Variants in CDC42BPG observed in about 807,000 individuals in gnomAD.
The protein encoded by CDC42BPG is CDC42 binding protein kinase gamma, also known as serine/threonine-protein kinase MRCK gamma.
In CDC42BPG, 157 loss-of-function variants were observed where a neutral mutation model predicts 192.2. That is an observed-to-expected ratio of 0.82 (90% confidence interval 0.72 to 0.93). CDC42BPG has a LOEUF of 0.93. Among genes scored for constraint, CDC42BPG ranks in the 40% least tolerant of loss-of-function variants. The probability of loss-of-function intolerance (pLI) is 0.00; values close to 1 mark genes in which losing one functional copy is unlikely to be tolerated. For synonymous variants in CDC42BPG, 981 were observed against 918.5 expected (o/e 1.07, Z -1.23); for missense variants, 1,992 against 2,122.1 (o/e 0.94, Z 1.20).
rs1241623170 is a variant in CDC42BPG at position 64,835,799 on chromosome 11, T to C, written c.1721A>G (p.Gln574Arg). ...LSRQVTQLQG[Q>R]WEQRLEESSQ... ...CGACTCCTCAAGGCGTTGCTCCCACTGTCCCTGCAGCTGCGTCACCTGCCG... is the reference window on the plus strand; with the variant it reads ...CGACTCCTCAAGGCGTTGCTCCCACCGTCCCTGCAGCTGCGTCACCTGCCG... The change falls in exon 14 of 37, where the codon CAG becomes CGG. Residue 574 changes from glutamine to arginine, a missense_variant. Physicochemically the swap from Gln to Arg is conservative, Grantham distance 43. This residue lies in a region of CDC42BPG where 1,656 missense variants were observed against 1,844.3 expected (regional missense o/e 0.90). Transcript: ENST00000342711. 1.9e-6 allele frequency: 3 copies of C among 1,613,226 alleles called. No homozygotes were observed. The highest frequency in any genetic ancestry group is 2.5e-6 in the Non-Finnish European group (3 of 1,179,956).
intron 3 of CDC42BPG, 39 bp from the exon 4 acceptor site, chr11:64,840,687 C>T (rs1469873513): frequency 6.3e-7 from 1 of 1,590,052 alleles, no homozygotes; most frequent in Non-Finnish European, 8.6e-7. Context: ...GGGGTGGGAT[C>T]AGAGCCCAGG....
At position 64,833,287 on chromosome 11, in the gene CDC42BPG, C is replaced by T. The variant is rs1362373270; in HGVS notation, c.2675G>A (p.Cys892Tyr). The stretch of plus-strand genomic sequence containing the variant: ...CAGCATCAGCGAGGTGCAGCGGAGA[C>T]ACTTGGTCGGGGATGGGAAGCTCCG... The part of the protein sequence containing the change: ...RPRSFPSPTK[C>Y]LRCTSLMLGL... Residue 892 changes from cysteine (C) to tyrosine (Y), a missense_variant, in exon 24 of 37, where the codon TGT (cysteine) becomes TAT (tyrosine). Coordinates refer to ENST00000342711, the MANE Select transcript of CDC42BPG (RefSeq NM_017525.3). The T allele has an allele frequency of 6.5e-7, 1 of 1,546,458 alleles. No homozygotes were observed.
chr11:64,840,810 G>A (rs71541906), intron 3 of CDC42BPG, among the ~76,000 whole-genome samples, 162 bp from the exon 4 acceptor site: 18,344 of 152,204 alleles, frequency 0.12, 1,380 homozygotes, highest in South Asian at 0.18. Context: ...CCAAGCCCAC[G>A]CTCTACAGCT....
intron 11 of CDC42BPG, 23 bp downstream of exon 11, chr11:64,836,716 G>GGGA: frequency 1.2e-6 from 1 of 869,300 alleles, no homozygotes; most frequent in Non-Finnish European, 1.7e-6. Flanking sequence ...TGGGGGGGGG[G>GGGA]GGGGGGTGGG....
At chr11:64,844,389 C>T in intron 1 of CDC42BPG, 21 bp downstream of exon 1, 3 of 1,385,018 alleles carry the variant, frequency 2.2e-6, no homozygotes, top group Non-Finnish European at 1.9e-6. Flanking sequence ...CGCCCCCGCT[C>T]CGTGCCGCCC....
rs764400115 is a variant in CDC42BPG, at chr11:64,835,421, T to C, written c.1881-2A>G. On this transcript the variant is annotated splice_acceptor_variant, in intron 15 of 36. Transcript: ENST00000342711. LOFTEE classifies it high-confidence loss of function. The stretch of plus-strand genomic sequence containing the variant: ...AGAGCCTCCTCCTTACCACTCGGCC[T>C]GGGGAGGAGAAGGCCAAGGCCGTGA... 2 of 1,613,540 alleles carry C rather than the reference T, an allele frequency of 1.2e-6. No individual in the cohort carries two copies. The highest frequency in any genetic ancestry group is 4.5e-5 in the East Asian group (2 of 44,864).
At chr11:64,830,308 G>A (rs757002577) in intron 28 of CDC42BPG, 52 bp from the exon 29 acceptor site, 11 of 1,461,608 alleles carry the variant, frequency 7.5e-6, no homozygotes, top group Middle Eastern at 1.7e-4. Context: ...TCAATGACAC[G>A]GAGATTGGGC....
At chr11:64,825,424 G>A (rs549861428) in intron 36 of CDC42BPG, among the ~76,000 whole-genome samples, 92 of 152,264 alleles carry the variant, frequency 6.0e-4, no homozygotes, top group Admixed American at 1.0e-3. Context: ...GCCCCAGGGA[G>A]GCAATGACTA....
At position 64,835,495 on chromosome 11, in the gene CDC42BPG, C is replaced by T. The variant is rs763394763; in HGVS notation, c.1880+5G>A. The T allele has an allele frequency of 6.2e-6, 10 of 1,604,568 alleles. No individual in the cohort carries two copies. In the South Asian group the frequency reaches 8.8e-5, roughly 14 times the overall value. ...CCCCTCCCTGCCACCAGCTGCCTGG[C>T]TCACCTGTGGCTGTGGGCCTGCTCC... On this transcript the variant is annotated splice_donor_5th_base_variant and intron_variant, in intron 15 of 36. Coordinates refer to ENST00000342711, the MANE Select transcript of CDC42BPG (RefSeq NM_017525.3).
At chr11:64,838,561 C>T in intron 8 of CDC42BPG, 93 bp downstream of exon 8, 3 of 1,532,678 alleles carry the variant, frequency 2.0e-6, no homozygotes, top group Non-Finnish European at 2.7e-6. Flanking sequence ...AGGCCTCACC[C>T]CCAGCCCACC....
At chr11:64,825,951 A>G (rs1415458020) in intron 36 of CDC42BPG, among the ~76,000 whole-genome samples, 1 of 151,846 alleles carries the variant, frequency 6.6e-6, no homozygotes, top group Non-Finnish European at 1.5e-5. Context: ...CTGTAATACC[A>G]GCGACTTGGG....
chr11:64,841,298 C>T (rs1259668877), intron 3 of CDC42BPG, among the ~76,000 whole-genome samples: 2 of 150,354 alleles, frequency 1.3e-5, no homozygotes, highest in Admixed American at 6.6e-5. Flanking sequence ...ACTAAAAATA[C>T]AAAAATTAGC....
In CDC42BPG at chr11:64,827,348, G is replaced by A; in HGVS notation, c.4201C>T (p.Leu1401=). ...PDLTDNSRRQ[L]FRTKSKRRFF... ...CGGCGCTTGCTCTTGGTGCGGAACA[G>A]CTGGCGCCGGCTGTTGTCGGTGAGG... Residue 1401 remains leucine, a synonymous_variant, in exon 33 of 37, where the codon CTG becomes TTG. Transcript: ENST00000342711. 2 of 1,614,082 alleles carry A rather than the reference G, an allele frequency of 1.2e-6. No homozygotes were observed. The highest frequency in any genetic ancestry group is 2.2e-5 in the East Asian group (1 of 44,876).
Position 64,823,089 on chromosome 11 carries a change from CTTTTTT to C in CDC42BPG, c.*1378_*1383del, listed in dbSNP as rs67018116. ...GTCTTTATTGGTTTCCTTTTCTTTT[CTTTTTT>C]TTTTTTTTTGAGACGGAGTCTCACT... On this transcript the variant is annotated 3_prime_UTR_variant, in exon 37 of 37. Coordinates refer to ENST00000342711, the MANE Select transcript of CDC42BPG (RefSeq NM_017525.3). 7.3e-6 allele frequency among the ~76,000 whole-genome samples: 1 copy of C among 137,722 alleles called. No homozygotes were observed. Among genetic ancestry groups the C allele is most frequent in the Non-Finnish European group, 1.6e-5 (1 of 64,172 alleles). The allele number at this position is 137,722 out of a possible 152,430, so 90.4% of individuals were successfully genotyped here.
chr11:64,827,895 T>C, intron 30 of CDC42BPG, 112 bp from the exon 31 acceptor site: 2 of 880,278 alleles, frequency 2.3e-6, no homozygotes, highest in Non-Finnish European at 3.4e-6. Context: ...GTCCTTCCTC[T>C]GAAGACTCCC....
Position 64,835,411 on chromosome 11 carries a change from C to A in CDC42BPG, c.1889G>T (p.Gly630Val). 6.2e-7 allele frequency: 1 copy of A among 1,613,778 alleles called. No individual in the cohort carries two copies. The highest frequency in any genetic ancestry group is 8.5e-7 in the Non-Finnish European group (1 of 1,180,010). ...CAGCTGGCACAGAGCCTCCTCCTTA[C>A]CACTCGGCCTGGGGAGGAGAAGGCC... ...LEQAHSHRPS[G>V]KEEALCQLQE... The change falls in exon 16 of 37, where the codon GGT becomes GTT. Residue 630 changes from glycine (G) to valine (V), a missense_variant. By Grantham distance (109) the Gly-to-Val change is moderately radical. Coordinates refer to ENST00000342711, the MANE Select transcript of CDC42BPG (RefSeq NM_017525.3).
intron 1 of CDC42BPG, among the ~76,000 whole-genome samples, chr11:64,842,973 A>G (rs1412727165): frequency 3.3e-5 from 5 of 152,124 alleles, no homozygotes; most frequent in African/African-American, 1.2e-4. Flanking sequence ...ACAGAAATTC[A>G]TTGTCTCTTT....
intron 4 of CDC42BPG, 70 bp downstream of exon 4, chr11:64,840,483 G>A: frequency 2.0e-6 from 3 of 1,521,720 alleles, no homozygotes; most frequent in Non-Finnish European, 2.7e-6. Context: ...TGGGCCCAGT[G>A]CCCCTGGCCC....
rs772400583 is a variant in CDC42BPG, at chr11:64,835,311, G to A, written c.1953+36C>T. On this transcript the variant is annotated intron_variant, in intron 16 of 36. Transcript: ENST00000342711. ...CAACTGGCTCCCCATTGCCTTGTCC[G>A]TCTGTTGTACCCTCCGTCTGTTGTA... is the stretch of plus-strand genomic sequence containing the variant. 23 of 1,612,308 alleles carry A rather than the reference G, an allele frequency of 1.4e-5. No homozygotes were observed. The African/African-American group carries it at 1.5e-4, about 10-fold the overall frequency.
Sources: allele counts gnomAD v4.1 joint callset (sites outside exome capture counted in the v4.1 genomes callset), GRCh38; gene constraint gnomAD v4.1.1; regional missense constraint gnomAD v4.1.1; transcripts MANE v1.5; gene names NCBI Gene and HGNC (gene_info 2026-07-23, HGNC 2026-07-21).